The following POU6F2 variants were observed in gnomAD, a reference collection of about 807,000 sequenced individuals.
The protein encoded by POU6F2 is POU class 6 homeobox 2, also known as POU domain, class 6, transcription factor 2.
A neutral mutation model predicts 71.3 loss-of-function variants in POU6F2; 31 were observed. That is an observed-to-expected ratio of 0.43 (90% CI 0.33 to 0.59). The LOEUF (loss-of-function observed/expected upper bound fraction) is 0.59, where lower values mean the gene tolerates loss of function less well. POU6F2 is among the 20% of genes least tolerant of loss of function. POU6F2 has a pLI of 0.04. For missense variants in POU6F2, 783 were observed against 856.8 expected (o/e 0.91, Z 1.07); for synonymous variants, 347 against 355.7 (o/e 0.98, Z 0.27).
chr7:38,996,645 A>T (rs1396683065), intron 1 of POU6F2, among the ~76,000 whole-genome samples: 1 of 151,838 alleles, frequency 6.6e-6, no homozygotes, highest in Admixed American at 6.6e-5. Context: ...CTACAAATCC[A>T]CTCCACCTGA....
intron 1 of POU6F2, among the ~76,000 whole-genome samples, chr7:39,002,815 G>C (rs930510640): frequency 6.6e-6 from 1 of 152,084 alleles, no homozygotes; most frequent in African/African-American, 2.4e-5. Context: ...TCTTCTTCCC[G>C]GCATTGCCCT....
At chr7:39,306,040 A>G (rs1462144246) in intron 4 of POU6F2, among the ~76,000 whole-genome samples, 1 of 152,066 alleles carries the variant, frequency 6.6e-6, no homozygotes, top group East Asian at 1.9e-4. Flanking sequence ...AACTGTAGAG[A>G]GAAACATTCC....
intron 2 of POU6F2, among the ~76,000 whole-genome samples, chr7:39,198,052 G>A (rs1562742782): frequency 6.6e-6 from 1 of 152,142 alleles, no homozygotes; most frequent in Non-Finnish European, 1.5e-5. Flanking sequence ...TACATTTGAT[G>A]ACTATCTCCT....
intron 2 of POU6F2, among the ~76,000 whole-genome samples, chr7:39,109,823 G>A (rs1486929353): frequency 6.6e-6 from 1 of 152,184 alleles, no homozygotes. Flanking sequence ...GAGGCGTCTG[G>A]TAGATCGAAG....
chr7:39,144,631 C>A (rs922827406), intron 2 of POU6F2, among the ~76,000 whole-genome samples: 2 of 152,202 alleles, frequency 1.3e-5, no homozygotes, highest in African/African-American at 4.8e-5. Flanking sequence ...TATGATCAGG[C>A]AACACCTTTG....
intron 1 of POU6F2, among the ~76,000 whole-genome samples, chr7:39,024,523 C>A (rs1007167847): frequency 1.3e-5 from 2 of 152,106 alleles, no homozygotes; most frequent in Admixed American, 1.3e-4. Flanking sequence ...ATTGCCCTGG[C>A]CAGAACTTCC....
At chr7:39,184,687 T>A (rs186624460) in intron 2 of POU6F2, among the ~76,000 whole-genome samples, 1 of 152,336 alleles carries the variant, frequency 6.6e-6, no homozygotes, top group East Asian at 1.9e-4. Context: ...GCTCAAAATA[T>A]CTGCACTCTG....
At chr7:39,095,240 C>T (rs985218861) in intron 2 of POU6F2, among the ~76,000 whole-genome samples, 1 of 152,134 alleles carries the variant, frequency 6.6e-6, no homozygotes. Context: ...AGTCTTAAGC[C>T]TTACCCAAGA....
At chr7:39,375,874 T>C (rs990665798) in intron 5 of POU6F2, among the ~76,000 whole-genome samples, 1 of 152,110 alleles carries the variant, frequency 6.6e-6, no homozygotes, top group African/African-American at 2.4e-5. Flanking sequence ...GTTGTTGTTG[T>C]TGTTTCTCTC....
At chr7:39,333,724 T>A (rs938101641) in intron 4 of POU6F2, among the ~76,000 whole-genome samples, 1 of 152,054 alleles carries the variant, frequency 6.6e-6, no homozygotes, top group Non-Finnish European at 1.5e-5. Flanking sequence ...GGTGACAGAG[T>A]GAGACTTTGT....
At chr7:39,044,126 C>A in intron 1 of POU6F2, among the ~76,000 whole-genome samples, 1 of 151,944 alleles carries the variant, frequency 6.6e-6, no homozygotes, top group East Asian at 1.9e-4. Context: ...GGGATTCTTA[C>A]GCACAGGAGA....
rs148654252 is a variant in POU6F2 at position 39,435,404 on chromosome 7, A to G, written c.1320+2121A>G. On this transcript the variant is annotated intron_variant, in intron 7 of 9. Coordinates refer to ENST00000518318, the MANE Select transcript of POU6F2 (RefSeq NM_001370959.1). ...GATCTGTGATGTTGAGCTTTTTTTC[A>G]TATGTTTGTTGGCTGTGTAAATGTC... Among the ~76,000 whole-genome samples the G allele has an allele frequency of 7.2e-3, 1,071 of 149,014 alleles. 20 individuals carry two copies. The highest frequency in any genetic ancestry group is 0.06 in the East Asian group (312 of 5,170).
At chr7:39,286,675 C>T (rs1337170585) in intron 4 of POU6F2, among the ~76,000 whole-genome samples, 3 of 152,160 alleles carry the variant, frequency 2.0e-5, no homozygotes, top group Admixed American at 6.5e-5. Flanking sequence ...GGCCCTATTA[C>T]GCCAGTTGAC....
intron 5 of POU6F2, among the ~76,000 whole-genome samples, chr7:39,395,095 A>C (rs1433599324): frequency 1.3e-5 from 2 of 152,090 alleles, no homozygotes; most frequent in Non-Finnish European, 2.9e-5. Flanking sequence ...ATCTCCACCC[A>C]GTCCAACTCA....
intron 4 of POU6F2, among the ~76,000 whole-genome samples, chr7:39,330,527 A>T (rs1447061969): frequency 3.9e-5 from 6 of 152,140 alleles, no homozygotes; most frequent in African/African-American, 1.2e-4. Context: ...AACACTCTTG[A>T]CTTTAATATG....
At chr7:39,302,583 T>A (rs748818932) in intron 4 of POU6F2, among the ~76,000 whole-genome samples, 21 of 152,240 alleles carry the variant, frequency 1.4e-4, no homozygotes, top group Non-Finnish European at 2.4e-4. Context: ...TATCATTGCT[T>A]GGACTCTCTA....
At chr7:39,071,801 CT>C (rs1790887044) in intron 1 of POU6F2, among the ~76,000 whole-genome samples, 1 of 152,040 alleles carries the variant, frequency 6.6e-6, no homozygotes, top group Non-Finnish European at 1.5e-5. Context: ...GTTTAAAAGT[CT>C]ATTGAGGTTG....
At chr7:39,205,587 T>C (rs1427035735) in intron 3 of POU6F2, among the ~76,000 whole-genome samples, 1 of 152,208 alleles carries the variant, frequency 6.6e-6, no homozygotes, top group Non-Finnish European at 1.5e-5. Flanking sequence ...CTATTGGCAG[T>C]GATGTAACAC....
intron 2 of POU6F2, among the ~76,000 whole-genome samples, chr7:39,190,414 T>G (rs1327460902): frequency 9.4e-6 from 1 of 105,836 alleles, no homozygotes; most frequent in African/African-American, 4.3e-5. Flanking sequence ...CTCCTCCTTT[T>G]CTTAAAAAAA....
Sources: allele counts gnomAD v4.1 joint callset (sites outside exome capture counted in the v4.1 genomes callset), GRCh38; gene constraint gnomAD v4.1.1; transcripts MANE v1.5; gene names NCBI Gene and HGNC (gene_info 2026-07-23, HGNC 2026-07-21).